Variants in SMOC1 observed in about 807,000 individuals in gnomAD.
SMOC1 encodes the protein SPARC related modular calcium binding 1.
A neutral mutation model predicts 56.3 loss-of-function variants in SMOC1; 22 were observed. The ratio of observed to expected loss-of-function variants is 0.39; its 90% CI spans 0.28 to 0.56. SMOC1 has a LOEUF of 0.56. Among genes scored for constraint, SMOC1 ranks in the 20% least tolerant of loss-of-function variants. The pLI, the probability that SMOC1 is intolerant of heterozygous loss-of-function variation, is 0.61. For missense variants in SMOC1, 509 were observed against 565.4 expected (o/e 0.90, Z 1.01); for synonymous variants, 193 against 215.0 (o/e 0.90, Z 0.89).
At chr14:69,918,475 AC>A (rs1380296567) in intron 1 of SMOC1, among the ~76,000 whole-genome samples, 1 of 152,052 alleles carries the variant, frequency 6.6e-6, no homozygotes, top group East Asian at 1.9e-4. Context: ...CAATCTGCCC[AC>A]CTTGGCCTCC....
intron 1 of SMOC1, among the ~76,000 whole-genome samples, chr14:69,920,591 C>G (rs1482581058): frequency 6.6e-6 from 1 of 152,202 alleles, no homozygotes; most frequent in African/African-American, 2.4e-5. Context: ...CTGTTCTGTG[C>G]CAGACACAGC....
chr14:70,021,022 T>C (rs8010305), intron 10 of SMOC1, among the ~76,000 whole-genome samples: 91,577 of 151,962 alleles, frequency 0.6, 28,106 homozygotes, highest in Non-Finnish European at 0.63. Context: ...CCCGTCTCAG[T>C]GACTGAGGCT....
chr14:69,964,242 C>A (rs1323822566), intron 3 of SMOC1, among the ~76,000 whole-genome samples: 1 of 151,940 alleles, frequency 6.6e-6, no homozygotes, highest in African/African-American at 2.4e-5. Context: ...TGGGCGGTAT[C>A]TGCAGCTGCT....
intron 5 of SMOC1, among the ~76,000 whole-genome samples, chr14:69,991,993 G>T (rs768278668): frequency 5.9e-5 from 9 of 152,290 alleles, no homozygotes; most frequent in Non-Finnish European, 1.0e-4. Flanking sequence ...CAGGAAAGGA[G>T]CTGGGGACAC....
chr14:69,913,241 C>T (rs1884600936), intron 1 of SMOC1, among the ~76,000 whole-genome samples: 1 of 152,176 alleles, frequency 6.6e-6, no homozygotes, highest in South Asian at 2.1e-4. Context: ...GACTGTGTGT[C>T]TTCTCCTGTG....
intron 1 of SMOC1, among the ~76,000 whole-genome samples, chr14:69,949,178 C>G (rs1441924562): frequency 6.6e-6 from 1 of 152,192 alleles, no homozygotes; most frequent in Non-Finnish European, 1.5e-5. Context: ...TGGGCCACCT[C>G]TGCCCACGTG....
At chr14:69,919,450 A>G (rs1382478282) in intron 1 of SMOC1, among the ~76,000 whole-genome samples, 1 of 152,234 alleles carries the variant, frequency 6.6e-6, no homozygotes, top group Non-Finnish European at 1.5e-5. Context: ...AATAATAGTT[A>G]TAATTTAACC....
intron 1 of SMOC1, among the ~76,000 whole-genome samples, chr14:69,890,298 C>T (rs1594787643): frequency 6.6e-6 from 1 of 152,176 alleles, no homozygotes; most frequent in East Asian, 1.9e-4. Flanking sequence ...GTAGATATGT[C>T]TTTCCTTATA....
At chr14:69,963,053 A>G (rs1458695988) in intron 3 of SMOC1, among the ~76,000 whole-genome samples, 1 of 152,142 alleles carries the variant, frequency 6.6e-6, no homozygotes, top group Non-Finnish European at 1.5e-5. Flanking sequence ...TGGAATCTCA[A>G]TTCTATTCCT....
intron 11 of SMOC1, among the ~76,000 whole-genome samples, chr14:70,027,368 A>G (rs1885966762): frequency 6.6e-6 from 1 of 151,996 alleles, no homozygotes; most frequent in Non-Finnish European, 1.5e-5. Context: ...TGGTGAAGCC[A>G]AGGGAGTGGC....
At chr14:69,967,967 C>A (rs1299132057) in intron 3 of SMOC1, among the ~76,000 whole-genome samples, 1 of 152,202 alleles carries the variant, frequency 6.6e-6, no homozygotes, top group Non-Finnish European at 1.5e-5. Flanking sequence ...CCTTCTCTCC[C>A]CCTTAACCAC....
chr14:70,005,824 G>A (rs1012546679), intron 7 of SMOC1, among the ~76,000 whole-genome samples: 10 of 152,114 alleles, frequency 6.6e-5, no homozygotes, highest in Non-Finnish European at 1.3e-4. Flanking sequence ...AGCCCTGATT[G>A]TTCCCTCTCC....
intron 1 of SMOC1, among the ~76,000 whole-genome samples, chr14:69,939,536 T>A (rs1882470833): frequency 6.6e-6 from 1 of 152,222 alleles, no homozygotes. Context: ...GTCATCTTTA[T>A]GGAAAACCAA....
At chr14:69,884,773 CTGTTCCAT>C (rs755812597) in intron 1 of SMOC1, among the ~76,000 whole-genome samples, 4 of 152,084 alleles carry the variant, frequency 2.6e-5, no homozygotes, top group Non-Finnish European at 5.9e-5. Context: ...GCTCTGTCTT[CTGTTCCAT>C]TGGTCTATGT....
chr14:70,011,455 C>T lies in SMOC1; in HGVS notation c.858-30C>T, dbSNP rs763879465. On this transcript the variant is annotated intron_variant, in intron 8 of 11. Transcript: ENST00000361956. ...AAGTAGGCTCAGTTGCCAGCCCCTC[C>T]CAACCCCCCCCATATCTCTCTTTTC... is the stretch of plus-strand genomic sequence containing the variant. The T allele has an allele frequency of 2.2e-6, 3 of 1,335,218 alleles. No homozygotes were observed. The African/African-American group carries it at 4.5e-5, about 20-fold the overall frequency. 82.7% of individuals were successfully genotyped at this position (1,335,218 alleles called of 1,614,324 possible). A position where few individuals can be genotyped will look rare whatever the true frequency, so the allele number is the denominator to read the frequency against.
Position 69,885,648 on chromosome 14 carries a change from C to A in SMOC1, c.99+5871C>A, listed in dbSNP as rs554828654. On this transcript the variant is annotated intron_variant, in intron 1 of 11. Transcript: ENST00000361956. The stretch of plus-strand genomic sequence containing the variant: ...AGGGCAGGCAAGAAGACAACCAGCT[C>A]GATGGGATCCATGTCGTGTGAAATC... 1.3e-4 allele frequency: 189 copies of A among 1,451,020 alleles called. 1 individual carries two copies. The South Asian group carries it at 2.1e-3, about 16-fold the overall frequency. The allele number at this position is 1,451,020 out of a possible 1,614,324, so 89.9% of individuals were successfully genotyped here. A position where few individuals can be genotyped will look rare whatever the true frequency, so the allele number is the denominator to read the frequency against.
At chr14:69,926,731 C>T (rs1885022356) in intron 1 of SMOC1, among the ~76,000 whole-genome samples, 1 of 152,198 alleles carries the variant, frequency 6.6e-6, no homozygotes, top group Non-Finnish European at 1.5e-5. Flanking sequence ...TTGCTGGCTC[C>T]CTGTTGTAGC....
intron 1 of SMOC1, among the ~76,000 whole-genome samples, chr14:69,943,387 G>C (rs1445286048): frequency 6.6e-6 from 1 of 152,192 alleles, no homozygotes; most frequent in Non-Finnish European, 1.5e-5. Flanking sequence ...CAGTGGTCAT[G>C]GGGTCAGGGA....
intron 1 of SMOC1, among the ~76,000 whole-genome samples, chr14:69,937,950 G>A (rs1201430523): frequency 6.6e-6 from 1 of 152,166 alleles, no homozygotes; most frequent in Non-Finnish European, 1.5e-5. Context: ...TCTTCTGTTT[G>A]TTTTAGCCTG....
Sources: allele counts gnomAD v4.1 joint callset (sites outside exome capture counted in the v4.1 genomes callset), GRCh38; gene constraint gnomAD v4.1.1; transcripts MANE v1.5; gene names NCBI Gene and HGNC (gene_info 2026-07-23, HGNC 2026-07-21).